Variants in PITPNM2 observed in about 807,000 individuals in gnomAD.
PITPNM2 encodes the protein membrane-associated phosphatidylinositol transfer protein 2.
A neutral mutation model predicts 132.2 loss-of-function variants in PITPNM2; 35 were observed. That is an observed-to-expected ratio of 0.26 (90% CI 0.20 to 0.35). PITPNM2 has a LOEUF of 0.35. Ranked by LOEUF, PITPNM2 falls within the 10% of genes least tolerant of loss-of-function variation. The pLI is 1.00. For missense variants in PITPNM2, 1,332 were observed against 1,912.0 expected (o/e 0.70, Z 5.66); for synonymous variants, 738 against 799.2 (o/e 0.92, Z 1.29).
intron 3 of PITPNM2, among the ~76,000 whole-genome samples, chr12:123,025,707 C>T (rs1305080900): frequency 6.6e-6 from 1 of 152,164 alleles, no homozygotes; most frequent in Non-Finnish European, 1.5e-5. Context: ...GCTGGGATTA[C>T]AGGTGTGAGC....
In PITPNM2 at chr12:123,004,239, G is replaced by C. The variant is rs2038819883; in HGVS notation, c.1048+155C>G. 6.6e-6 allele frequency among the ~76,000 whole-genome samples: 1 copy of C among 152,098 alleles called. No individual in the cohort carries two copies. Among genetic ancestry groups the C allele is most frequent in the African/African-American group, 2.4e-5 (1 of 41,416 alleles). On this transcript the variant is annotated intron_variant, in intron 8 of 25. Transcript: ENST00000320201. This position sits in a 1 kb window ranked among gnomAD's most constrained non-coding sequence, Gnocchi z 4.9. ...CCTCTGTGCACTGCCCCAAACACCA[G>C]GCTGTCCACCTGGGACAGTGCAGGT...
chr12:123,018,037 TCCC>T (rs1317346507), intron 3 of PITPNM2, among the ~76,000 whole-genome samples: 1 of 129,304 alleles, frequency 7.7e-6, no homozygotes, highest in African/African-American at 3.6e-5. Context: ...CCTTCCTTCC[TCCC>T]TCCCTCCCTC....
In PITPNM2 at chr12:123,011,084, TC is replaced by T. The variant is rs564856849; in HGVS notation, c.416-1008del. ...TCTCAGAGCCCTCCTGTGTGCTCAC[TC>T]CCGAGGCACATGTGTGTTGGGCAGG... On this transcript the variant is annotated intron_variant, in intron 5 of 25. Transcript: ENST00000320201. 3.1e-4 allele frequency among the ~76,000 whole-genome samples: 47 copies of T among 152,312 alleles called. No homozygotes were observed. The South Asian group carries it at 9.5e-3, about 31-fold the overall frequency.
rs1249338621 is a variant in PITPNM2 at position 123,058,910 on chromosome 12, T to C, written c.-95-24225A>G. ...GGGCAAAGCTGAGTGCCCAGGTGCA[T>C]TGAGAGCACCTCAGCCCCAGCTCCC... is the stretch of plus-strand genomic sequence containing the variant. On this transcript the variant is annotated intron_variant, in intron 2 of 25. Transcript: ENST00000320201. This position sits in a 1 kb window ranked among gnomAD's most constrained non-coding sequence, Gnocchi z 4.0. 6.6e-6 allele frequency among the ~76,000 whole-genome samples: 1 copy of C among 151,922 alleles called. No homozygotes were observed. The highest frequency in any genetic ancestry group is 1.5e-5 in the Non-Finnish European group (1 of 67,966).
At position 123,036,335 on chromosome 12, in the gene PITPNM2, T is replaced by A. The variant is rs934375566; in HGVS notation, c.-95-1650A>T. On this transcript the variant is annotated intron_variant, in intron 2 of 25. Transcript: ENST00000320201. The surrounding 1 kb of genome is among the most constrained non-coding windows in gnomAD (Gnocchi z 4.1). The stretch of plus-strand genomic sequence containing the variant: ...GGAAAGGTCTGATAAAGGGGCTCCA[T>A]CCCTTGTGCTAGCCTAAAACAGCGG... Among the ~76,000 whole-genome samples, 5 of 152,180 alleles carry A rather than the reference T, an allele frequency of 3.3e-5. No homozygotes were observed. The highest frequency in any genetic ancestry group is 2.4e-5 in the African/African-American group (1 of 41,434).
At chr12:123,063,731 G>A (rs1048375885) in intron 2 of PITPNM2, among the ~76,000 whole-genome samples, 1 of 152,102 alleles carries the variant, frequency 6.6e-6, no homozygotes, top group Admixed American at 6.5e-5. Flanking sequence ...CTGGAGGAGG[G>A]GTCACAGCAT....
chr12:123,116,710 G>A (rs1308281825), intron 1 of PITPNM2, among the ~76,000 whole-genome samples: 2 of 151,320 alleles, frequency 1.3e-5, no homozygotes, highest in Admixed American at 1.3e-4. Context: ...TGGCAGCCTG[G>A]ATGCTTCTGC....
intron 4 of PITPNM2, among the ~76,000 whole-genome samples, 195 bp downstream of exon 4, chr12:123,013,633 C>T (rs943147162): frequency 6.6e-6 from 1 of 152,232 alleles, no homozygotes; most frequent in African/African-American, 2.4e-5. Flanking sequence ...GGGGTATATC[C>T]TTCCCTCTCT....
At chr12:123,014,707 A>C (rs2039355287) in intron 3 of PITPNM2, among the ~76,000 whole-genome samples, 1 of 151,794 alleles carries the variant, frequency 6.6e-6, no homozygotes, top group South Asian at 2.1e-4. Flanking sequence ...GTCTCAAAAA[A>C]CAAACAAAAC....
rs186699378 is a variant in PITPNM2, at chr12:123,029,394, T to C, written c.78+5119A>G. On this transcript the variant is annotated intron_variant, in intron 3 of 25. Coordinates refer to ENST00000320201, the MANE Select transcript of PITPNM2 (RefSeq NM_020845.3). ...TGAGGTCAGGAGTTCAAGACCAGCC[T>C]GGCCAACATGGCGAAAGCCCATCTC... 7.6e-3 allele frequency among the ~76,000 whole-genome samples: 1,153 copies of C among 152,322 alleles called. 6 individuals carry two copies. Among genetic ancestry groups the C allele is most frequent in the Non-Finnish European group, 0.011 (747 of 68,030 alleles).
At chr12:123,104,404 GC>G (rs759304397) in intron 2 of PITPNM2, among the ~76,000 whole-genome samples, 1 of 152,200 alleles carries the variant, frequency 6.6e-6, no homozygotes, top group Non-Finnish European at 1.5e-5. Context: ...AAGTGAATAT[GC>G]CCTGCCCCGC....
At chr12:123,129,640 G>A (rs2043220353) in intron 1 of PITPNM2, among the ~76,000 whole-genome samples, 1 of 152,072 alleles carries the variant, frequency 6.6e-6, no homozygotes, top group Non-Finnish European at 1.5e-5. Flanking sequence ...AAGCACAGTA[G>A]TTGTTTTATT....
Position 122,989,879 on chromosome 12 carries a change from C to CCGGGGGGGGGGGGGG in PITPNM2, c.2638_2639insCCCCCCCCCCCCCCG (p.Ser880delinsThrProProProProGly). The CCGGGGGGGGGGGGGG allele has an allele frequency of 6.2e-6, 2 of 324,544 alleles. No individual in the cohort carries two copies. Among genetic ancestry groups the CCGGGGGGGGGGGGGG allele is most frequent in the Non-Finnish European group, 1.0e-5 (2 of 198,190 alleles). 20.1% of individuals were successfully genotyped at this position (324,544 alleles called of 1,614,324 possible). On this transcript the variant is annotated protein_altering_variant, in exon 18 of 26. Transcript: ENST00000320201. ...AGGGTGGGGGCCAGGGGTGGTGGGG[C>CCGGGGGGGGGGGGGG]TGGGGGCGGGCAGGGCGAGCAGGGA...
In PITPNM2 at chr12:122,994,783, C is replaced by A. The variant is rs2038349942; in HGVS notation, c.2233+18G>T. 2 of 1,603,156 alleles carry A rather than the reference C, an allele frequency of 1.2e-6. No individual in the cohort carries two copies. Among genetic ancestry groups the A allele is most frequent in the Admixed American group, 1.7e-5 (1 of 59,550 alleles). On this transcript the variant is annotated intron_variant, in intron 15 of 25. Transcript: ENST00000320201. The surrounding 1 kb of genome is among the most constrained non-coding windows in gnomAD (Gnocchi z 5.4). The stretch of plus-strand genomic sequence containing the variant: ...CCCAGTGCATGTACCCCCCATCCTG[C>A]CCCTGCTGGGCTCTCACCATCCAGG...
At chr12:123,032,721 T>C (rs2040136622) in intron 3 of PITPNM2, among the ~76,000 whole-genome samples, 1 of 152,168 alleles carries the variant, frequency 6.6e-6, no homozygotes. Context: ...CAGATCAGCC[T>C]GGTCCTTGAA....
At chr12:123,059,029 C>G (rs1276194347) in intron 2 of PITPNM2, among the ~76,000 whole-genome samples, 1 of 152,218 alleles carries the variant, frequency 6.6e-6, no homozygotes, top group Non-Finnish European at 1.5e-5. Flanking sequence ...GCCAAGCCCA[C>G]AGCGAGGTGC....
intron 2 of PITPNM2, among the ~76,000 whole-genome samples, chr12:123,067,497 A>G (rs1020607545): frequency 2.0e-5 from 3 of 147,780 alleles, no homozygotes; most frequent in Non-Finnish European, 4.5e-5. Flanking sequence ...ACACACACAC[A>G]CGCAAAAGAA....
In PITPNM2 at chr12:123,146,072, A is replaced by G. The variant is rs566714754; in HGVS notation, c.-200+4681T>C. Among the ~76,000 whole-genome samples, 13 of 152,222 alleles carry G rather than the reference A, an allele frequency of 8.5e-5. 1 individual carries two copies. Among genetic ancestry groups the G allele is most frequent in the Admixed American group, 2.0e-4 (3 of 15,274 alleles). Reference sequence around the variant, plus strand: ...ATGAAAGAACAGAAAACCAAACACCACAAGTTCTTACTTATAAGTGGGAGC... The same window carrying G: ...ATGAAAGAACAGAAAACCAAACACCGCAAGTTCTTACTTATAAGTGGGAGC... On this transcript the variant is annotated intron_variant, in intron 1 of 25. Transcript: ENST00000320201.
chr12:123,107,887 A>G (rs1174262169), intron 2 of PITPNM2, among the ~76,000 whole-genome samples: 1 of 152,236 alleles, frequency 6.6e-6, no homozygotes, highest in South Asian at 2.1e-4. Context: ...TTACTGAAAT[A>G]TTTCAGGGAA....
Sources: allele counts gnomAD v4.1 joint callset (sites outside exome capture counted in the v4.1 genomes callset), GRCh38; gene constraint gnomAD v4.1.1; non-coding constraint Gnocchi (gnomAD v3.1); transcripts MANE v1.5; gene names NCBI Gene and HGNC (gene_info 2026-07-23, HGNC 2026-07-21).